The following ZBTB46 variants were observed in gnomAD, a reference collection of about 807,000 sequenced individuals.
ZBTB46 encodes the protein zinc finger and BTB domain-containing protein 46.
Under a neutral mutation model 44.1 loss-of-function variants are expected in ZBTB46, and 8 were observed. The observed-to-expected ratio is 0.18, with a 90% CI of 0.11 to 0.33. The LOEUF is 0.33. Among genes scored for constraint, ZBTB46 ranks in the 10% least tolerant of loss-of-function variants. The pLI is 1.00. For synonymous variants in ZBTB46, 409 were observed against 382.3 expected (o/e 1.07, Z -0.81); for missense variants, 651 against 847.7 (o/e 0.77, Z 2.88).
chr20:63,827,107 C>T (rs536272019), intron 1 of ZBTB46, among the ~76,000 whole-genome samples: 1 of 152,318 alleles, frequency 6.6e-6, no homozygotes, highest in Non-Finnish European at 1.5e-5. Flanking sequence ...CTCCTCCCAG[C>T]CTTGGGCCGT....
intron 3 of ZBTB46, among the ~76,000 whole-genome samples, chr20:63,768,504 G>C (rs886941609): frequency 6.6e-6 from 1 of 152,210 alleles, no homozygotes; most frequent in Non-Finnish European, 1.5e-5. Context: ...CTACTTGGGA[G>C]GCTGAGGCAG....
At chr20:63,798,187 AG>A (rs2092617457) in intron 1 of ZBTB46, among the ~76,000 whole-genome samples, 3 of 152,158 alleles carry the variant, frequency 2.0e-5, no homozygotes, top group African/African-American at 7.2e-5. Flanking sequence ...CGTGTAAGGA[AG>A]GGATCCAGTT....
At chr20:63,775,036 C>A (rs959014079) in intron 3 of ZBTB46, among the ~76,000 whole-genome samples, 6 of 152,172 alleles carry the variant, frequency 3.9e-5, no homozygotes, top group African/African-American at 1.4e-4. Context: ...AGCTGAATGC[C>A]CCCGTCTTGT....
chr20:63,799,065 C>CA (rs1409418908), intron 1 of ZBTB46, among the ~76,000 whole-genome samples: 1 of 151,932 alleles, frequency 6.6e-6, no homozygotes, highest in Non-Finnish European at 1.5e-5. Context: ...AGGTGTCACT[C>CA]AGTCACCCAG....
intron 1 of ZBTB46, among the ~76,000 whole-genome samples, chr20:63,823,858 T>TTTGTGTGTGTGTGTGTGTGTGTGTGTG (rs144086739): frequency 1.1e-4 from 16 of 144,718 alleles, no homozygotes; most frequent in Non-Finnish European, 2.1e-4. Flanking sequence ...TCTAGGAACC[T>TTTGTGTGTGTGTGTGTGTGTGTGTGTG]TGTGTGTGTG....
chr20:63,817,376 G>T (rs779936886), intron 1 of ZBTB46, among the ~76,000 whole-genome samples: 1 of 152,010 alleles, frequency 6.6e-6, no homozygotes, highest in African/African-American at 2.4e-5. Flanking sequence ...CTGTACTCCA[G>T]CCTGGCCCAC....
chr20:63,786,908 T>C (rs1601467557), intron 2 of ZBTB46, among the ~76,000 whole-genome samples: 2 of 152,248 alleles, frequency 1.3e-5, no homozygotes, highest in East Asian at 3.9e-4. Context: ...GCCTCCCAAA[T>C]TGCCTCCAAA....
chr20:63,832,578 G>A (rs991138671), upstream of ZBTB46, among the ~76,000 whole-genome samples: 4 of 152,174 alleles, frequency 2.6e-5, no homozygotes, highest in Non-Finnish European at 5.9e-5. The surrounding 1 kb of genome is among the most constrained non-coding windows in gnomAD (Gnocchi z 5.0). Flanking sequence ...AGCGAGGTGT[G>A]GCTGCCGGGA....
intron 1 of ZBTB46, among the ~76,000 whole-genome samples, chr20:63,808,385 G>A (rs1331924248): frequency 6.6e-6 from 1 of 152,218 alleles, no homozygotes; most frequent in Admixed American, 6.5e-5. Context: ...ACGGAGCCCG[G>A]GGCTTCAGGG....
chr20:63,790,270 G>T lies in ZBTB46; in HGVS notation c.488C>A (p.Ala163Asp). The T allele has an allele frequency of 6.2e-7, 1 of 1,612,260 alleles. No individual in the cohort carries two copies. Among genetic ancestry groups the T allele is most frequent in the South Asian group, 1.1e-5 (1 of 90,860 alleles). ...CAGCCACGGGGAGATGCTCCTCCCA[G>T]CCATCACGGCCGAGATGAGAGCTTC... Reference protein sequence around the residue: ...STEALISAVMAGRSISPWLAR... With the variant: ...STEALISAVMDGRSISPWLAR... Residue 163 changes from alanine (A) to aspartate (D), a missense_variant, in exon 2 of 5, where the codon GCT (alanine) becomes GAT (aspartate). Physicochemically the swap from Ala to Asp is moderately radical, Grantham distance 126. Around this residue, in one of 5 missense-constraint regions of ZBTB46, gnomAD observed 385 missense variants for 423.3 expected, o/e 0.91. Coordinates refer to ENST00000245663, the MANE Select transcript of ZBTB46 (RefSeq NM_001369741.1).
At position 63,790,602 on chromosome 20, in the gene ZBTB46, G is replaced by A. The variant is rs1339678844; in HGVS notation, c.156C>T (p.Ser52=). The A allele has an allele frequency of 3.7e-6, 6 of 1,612,210 alleles. No homozygotes were observed. The highest frequency in any genetic ancestry group is 5.1e-6 in the Non-Finnish European group (6 of 1,180,034). ...FKAHKNVLLG[S]SRYFKTLYCQ... ...AGTAGAGCGTCTTGAAGTAGCGGCTGCTGCCCAGCAGGACGTTCTTGTGCG... is the reference window on the plus strand; with the variant it reads ...AGTAGAGCGTCTTGAAGTAGCGGCTACTGCCCAGCAGGACGTTCTTGTGCG... Residue 52 remains serine (S), a synonymous_variant, in exon 2 of 5, where the codon AGC becomes AGT. Transcript: ENST00000245663.
intron 1 of ZBTB46, among the ~76,000 whole-genome samples, chr20:63,799,481 G>A (rs1309273936): frequency 1.3e-5 from 2 of 151,894 alleles, no homozygotes; most frequent in Non-Finnish European, 2.9e-5. Context: ...CAGGGAAGCT[G>A]GGATTACAGG....
chr20:63,826,559 TAA>T (rs72142838), intron 1 of ZBTB46, among the ~76,000 whole-genome samples: 5 of 139,340 alleles, frequency 3.6e-5, no homozygotes, highest in Admixed American at 7.1e-5. Flanking sequence ...CATCTCTACT[TAA>T]AAAAAAAAAA....
chr20:63,753,097 A>G (rs1319612985), intron 3 of ZBTB46, among the ~76,000 whole-genome samples: 1 of 152,164 alleles, frequency 6.6e-6, no homozygotes, highest in Non-Finnish European at 1.5e-5. Context: ...GGAGCTCAGG[A>G]GCCCCAGCTC....
intron 1 of ZBTB46, among the ~76,000 whole-genome samples, chr20:63,798,494 G>A (rs1418162382): frequency 6.6e-6 from 1 of 151,752 alleles, no homozygotes; most frequent in African/African-American, 2.4e-5. Flanking sequence ...GGCCAACATG[G>A]TCAAACCCCG....
chr20:63,779,264 G>A (rs948422710), intron 2 of ZBTB46, among the ~76,000 whole-genome samples: 2 of 151,910 alleles, frequency 1.3e-5, no homozygotes, highest in African/African-American at 4.8e-5. Context: ...TTTTGAGACG[G>A]AGTTTCGCTC....
intron 1 of ZBTB46, among the ~76,000 whole-genome samples, chr20:63,801,588 C>T (rs1009201088): frequency 2.6e-5 from 4 of 152,172 alleles, no homozygotes; most frequent in African/African-American, 4.8e-5. Flanking sequence ...GCTGCTCACT[C>T]TTTGGGTCCA....
chr20:63,822,019 G>A (rs868572117), intron 1 of ZBTB46, among the ~76,000 whole-genome samples: 2 of 152,152 alleles, frequency 1.3e-5, no homozygotes, highest in Admixed American at 6.5e-5. Context: ...AGCACACTGC[G>A]AGAACTTACA....
chr20:63,813,574 G>A (rs186184187), intron 1 of ZBTB46, among the ~76,000 whole-genome samples: 6 of 152,260 alleles, frequency 3.9e-5, no homozygotes, highest in South Asian at 4.1e-4. Flanking sequence ...CAGCCCTCCC[G>A]CCTCTACCTG....
Sources: allele counts gnomAD v4.1 joint callset (sites outside exome capture counted in the v4.1 genomes callset), GRCh38; gene constraint gnomAD v4.1.1; regional missense constraint gnomAD v4.1.1; non-coding constraint Gnocchi (gnomAD v3.1); transcripts MANE v1.5; gene names NCBI Gene and HGNC (gene_info 2026-07-23, HGNC 2026-07-21).